The following RNF150 variants were observed in gnomAD, a reference collection of about 807,000 sequenced individuals.
The protein encoded by RNF150 is ring finger protein 150.
RNF150 carries 24 observed loss-of-function variants against 39.3 expected under a neutral mutation model. That is an observed-to-expected ratio of 0.61 (90% CI 0.44 to 0.86). The LOEUF (loss-of-function observed/expected upper bound fraction) is 0.86, where lower values mean the gene tolerates loss of function less well. Ranked by LOEUF, RNF150 falls within the 40% of genes least tolerant of loss-of-function variation. RNF150 has a pLI of 0.00. For synonymous variants in RNF150, 255 were observed against 227.3 expected (o/e 1.12, Z -1.10); for missense variants, 502 against 587.8 (o/e 0.85, Z 1.51).
intron 1 of RNF150, among the ~76,000 whole-genome samples, chr4:141,196,492 G>T (rs1728203312): frequency 6.6e-6 from 1 of 152,154 alleles, no homozygotes; most frequent in South Asian, 2.1e-4. Context: ...CTTGGGTTCT[G>T]CCCTTTGCAA....
At chr4:140,972,148 G>C (rs1733491430) in intron 1 of RNF150, among the ~76,000 whole-genome samples, 1 of 151,840 alleles carries the variant, frequency 6.6e-6, no homozygotes, top group Admixed American at 6.6e-5. Context: ...CCCATTTGTA[G>C]ATATTTTCTA....
At chr4:141,192,009 G>A (rs984605123) in intron 1 of RNF150, among the ~76,000 whole-genome samples, 15 of 152,156 alleles carry the variant, frequency 9.9e-5, no homozygotes, top group African/African-American at 3.6e-4. Flanking sequence ...TGAATCAGAT[G>A]GAGCATGAAT....
upstream of RNF150, among the ~76,000 whole-genome samples, chr4:141,136,627 A>G (rs1727031263): frequency 6.6e-6 from 1 of 152,214 alleles, no homozygotes; most frequent in Admixed American, 6.5e-5. Flanking sequence ...AGATAAAAAC[A>G]TCTCTGTATT....
intron 1 of RNF150, among the ~76,000 whole-genome samples, chr4:141,189,547 C>T (rs1172271873): frequency 1.3e-5 from 2 of 152,176 alleles, no homozygotes; most frequent in Non-Finnish European, 2.9e-5. Context: ...AGAGTTTTAT[C>T]TATAAGCCTC....
intron 1 of RNF150, among the ~76,000 whole-genome samples, chr4:141,189,980 C>A (rs2111200678): frequency 6.6e-6 from 1 of 152,190 alleles, no homozygotes; most frequent in East Asian, 1.9e-4. Flanking sequence ...TGGTGTCTGC[C>A]CAAACAGCTG....
At chr4:141,047,119 CAT>C (rs1736607682) in intron 1 of RNF150, among the ~76,000 whole-genome samples, 1 of 152,106 alleles carries the variant, frequency 6.6e-6, no homozygotes, top group African/African-American at 2.4e-5. Context: ...GACTAATGCA[CAT>C]GTGTGTATGT....
At chr4:140,899,974 CTGTGTGTGTGTGTG>C (rs71852763) in intron 6 of RNF150, among the ~76,000 whole-genome samples, 50 of 69,216 alleles carry the variant, frequency 7.2e-4, no homozygotes, top group East Asian at 2.3e-3. Context: ...CTCTCTCTCT[CTGTGTGTGTGTGTG>C]TGTGTGTGTG....
intron 1 of RNF150, among the ~76,000 whole-genome samples, chr4:141,073,663 C>T (rs917743244): frequency 8.6e-6 from 1 of 116,336 alleles, no homozygotes; most frequent in African/African-American, 2.5e-5. Context: ...ATATCAAGCT[C>T]GGGGGGGGAA....
chr4:141,041,358 G>A (rs879486968), intron 1 of RNF150, among the ~76,000 whole-genome samples: 1 of 152,104 alleles, frequency 6.6e-6, no homozygotes, highest in African/African-American at 2.4e-5. Flanking sequence ...ATGACCAACT[G>A]GGGGTCAGAA....
chr4:141,095,197 G>A (rs1197382770), intron 1 of RNF150, among the ~76,000 whole-genome samples: 1 of 152,182 alleles, frequency 6.6e-6, no homozygotes, highest in Non-Finnish European at 1.5e-5. Flanking sequence ...GAAATTGTTG[G>A]AGGCCAAATG....
At chr4:140,986,826 C>G (rs1026294117) in intron 1 of RNF150, among the ~76,000 whole-genome samples, 7 of 152,002 alleles carry the variant, frequency 4.6e-5, no homozygotes, top group African/African-American at 1.7e-4. Context: ...GGAAAAGAAT[C>G]AAGTTATCTT....
chr4:140,916,416 G>A (rs183859332), intron 5 of RNF150, among the ~76,000 whole-genome samples: 1 of 152,168 alleles, frequency 6.6e-6, no homozygotes, highest in Non-Finnish European at 1.5e-5. Flanking sequence ...CTCAGTAACC[G>A]ATGTGATCAA....
chr4:141,171,486 G>C (rs1460426566), intron 1 of RNF150, among the ~76,000 whole-genome samples: 1 of 150,630 alleles, frequency 6.6e-6, no homozygotes, highest in Admixed American at 6.6e-5. Context: ...GAGAGAGAGA[G>C]AGAGAGAAAG....
intron 1 of RNF150, among the ~76,000 whole-genome samples, chr4:140,987,006 T>C (rs1055177222): frequency 6.6e-6 from 1 of 152,020 alleles, no homozygotes; most frequent in Admixed American, 6.6e-5. Flanking sequence ...AAATCAAGAA[T>C]GCAATCCTAT....
intron 1 of RNF150, among the ~76,000 whole-genome samples, chr4:140,983,313 G>A (rs1022534569): frequency 2.6e-5 from 4 of 152,040 alleles, no homozygotes; most frequent in African/African-American, 9.7e-5. Context: ...GTCACATGGG[G>A]TGGTCATTCT....
At chr4:141,081,050 A>G (rs1249634693) in intron 1 of RNF150, among the ~76,000 whole-genome samples, 1 of 152,178 alleles carries the variant, frequency 6.6e-6, no homozygotes, top group African/African-American at 2.4e-5. Flanking sequence ...TTACTTTTGG[A>G]TAAGTGGCCA....
intron 4 of RNF150, chr4:140,944,763 A>G (rs1732219791): frequency 6.6e-6 from 1 of 152,198 alleles, no homozygotes; most frequent in Non-Finnish European, 1.5e-5. Flanking sequence ...ATTTTTTGAA[A>G]CAGTTTTTAT....
chr4:141,204,768 C>T (rs1728345938), intron 1 of RNF150, among the ~76,000 whole-genome samples: 1 of 152,120 alleles, frequency 6.6e-6, no homozygotes, highest in South Asian at 2.1e-4. Context: ...CTTTTTTGCA[C>T]ATTTTACACT....
At chr4:141,039,069 C>T (rs796765241) in intron 1 of RNF150, among the ~76,000 whole-genome samples, 5 of 152,190 alleles carry the variant, frequency 3.3e-5, no homozygotes, top group Admixed American at 1.3e-4. Flanking sequence ...TAAAAGCCCA[C>T]GTGCAGTGGG....
Sources: allele counts gnomAD v4.1 joint callset (sites outside exome capture counted in the v4.1 genomes callset), GRCh38; gene constraint gnomAD v4.1.1; transcripts MANE v1.5; gene names NCBI Gene and HGNC (gene_info 2026-07-23, HGNC 2026-07-21).